The following NRXN1 variants were observed in gnomAD, a reference collection of about 807,000 sequenced individuals.
The protein encoded by NRXN1 is neurexin 1.
NRXN1 carries 39 observed loss-of-function variants against 150.9 expected under a neutral mutation model. The ratio of observed to expected loss-of-function variants is 0.26; its 90% CI spans 0.20 to 0.34. The LOEUF (loss-of-function observed/expected upper bound fraction) is 0.34. NRXN1 is among the 10% of genes least tolerant of loss of function. The pLI, the probability that NRXN1 is intolerant of heterozygous loss-of-function variation, is 1.00. For missense variants in NRXN1, 1,815 were observed against 1,949.9 expected (o/e 0.93, Z 1.30); for synonymous variants, 924 against 757.0 (o/e 1.22, Z -3.62).
chr2:50,442,741 G>T (rs2086072741), intron 17 of NRXN1, among the ~76,000 whole-genome samples: 1 of 152,114 alleles, frequency 6.6e-6, no homozygotes, highest in Non-Finnish European at 1.5e-5. Context: ...ATTAAGTGAG[G>T]AGACTTCTGG....
chr2:51,000,764 T>C (rs139662480), intron 2 of NRXN1, among the ~76,000 whole-genome samples: 2 of 152,064 alleles, frequency 1.3e-5, no homozygotes, highest in East Asian at 3.9e-4. Context: ...CTTAATTCCG[T>C]AAATTAATAT....
At chr2:50,502,820 T>A (rs2092018296) in intron 13 of NRXN1, among the ~76,000 whole-genome samples, 1 of 152,148 alleles carries the variant, frequency 6.6e-6, no homozygotes, top group Non-Finnish European at 1.5e-5. Flanking sequence ...GGTGTAGGTA[T>A]ATATACTTGA....
At chr2:50,905,942 T>C (rs9678064) in intron 5 of NRXN1, among the ~76,000 whole-genome samples, 13,021 of 152,108 alleles carry the variant, frequency 0.086, 624 homozygotes, top group South Asian at 0.12. Flanking sequence ...AGACAGTCTA[T>C]TAAATGTTTA....
chr2:50,815,255 C>T lies in NRXN1; in HGVS notation c.832+106614G>A, dbSNP rs186363612. 1.3e-3 allele frequency among the ~76,000 whole-genome samples: 192 copies of T among 152,238 alleles called. 1 individual carries two copies. Among genetic ancestry groups the T allele is most frequent in the African/African-American group, 4.5e-3 (187 of 41,554 alleles). ...ACAAGACAGACACCGATCTCCAGTG[C>T]AGAGGTGCATTGGACAATGTGACAA... On this transcript the variant is annotated intron_variant, in intron 5 of 22. Coordinates refer to ENST00000401669, the MANE Select transcript of NRXN1 (RefSeq NM_001330078.2).
At chr2:50,831,634 G>C (rs1055092398) in intron 5 of NRXN1, among the ~76,000 whole-genome samples, 1 of 152,166 alleles carries the variant, frequency 6.6e-6, no homozygotes, top group African/African-American at 2.4e-5. Context: ...TTAGAATACA[G>C]TTTGAAAACA....
At chr2:50,212,236 A>T (rs1488891244) in intron 18 of NRXN1, among the ~76,000 whole-genome samples, 4 of 151,414 alleles carry the variant, frequency 2.6e-5, no homozygotes, top group Non-Finnish European at 5.9e-5. Flanking sequence ...AGAAACTCTC[A>T]GAAGTAGAAA....
intron 17 of NRXN1, among the ~76,000 whole-genome samples, chr2:50,243,092 G>C (rs2066171326): frequency 6.6e-6 from 1 of 151,766 alleles, no homozygotes. Context: ...ATGAGTTCTG[G>C]TGTTCTGTTG....
At chr2:50,202,388 C>A (rs1236925989) in intron 18 of NRXN1, among the ~76,000 whole-genome samples, 1 of 152,114 alleles carries the variant, frequency 6.6e-6, no homozygotes, top group African/African-American at 2.4e-5. Context: ...CACCTGTAGT[C>A]CCAGCTACTC....
chr2:50,116,683 A>G lies in NRXN1; in HGVS notation c.3547-25189T>C, dbSNP rs573515097. Among the ~76,000 whole-genome samples, 4 of 152,222 alleles carry G rather than the reference A, an allele frequency of 2.6e-5. No individual in the cohort carries two copies. In the East Asian group the frequency reaches 5.8e-4, roughly 22 times the overall value. ...CCCCACATCTCTTCTTCTGAGGAAT[A>G]GGCAAAATCTTCCTTCCCCAACACA... is the stretch of plus-strand genomic sequence containing the variant. On this transcript the variant is annotated intron_variant, in intron 18 of 22. Transcript: ENST00000401669.
At chr2:50,984,134 ATTTTTTTTTTTTTTTTT>A (rs70958636) in intron 2 of NRXN1, among the ~76,000 whole-genome samples, 1 of 72,794 alleles carries the variant, frequency 1.4e-5, no homozygotes, top group Non-Finnish European at 2.4e-5. Flanking sequence ...CGCCAGGCTA[ATTTTTTTTTTTTTTTTT>A]TTTTTTTTTT....
intron 2 of NRXN1, among the ~76,000 whole-genome samples, chr2:50,969,317 A>G (rs1694639058): frequency 1.3e-5 from 2 of 152,124 alleles, no homozygotes; most frequent in South Asian, 4.1e-4. Flanking sequence ...CCAGTCTAGA[A>G]CACTGCCTGG....
intron 17 of NRXN1, among the ~76,000 whole-genome samples, chr2:50,335,335 C>T (rs368532621): frequency 6.6e-6 from 1 of 152,076 alleles, no homozygotes; most frequent in Non-Finnish European, 1.5e-5. Context: ...ATCAAAATGG[C>T]CACAGTAAAG....
chr2:50,159,400 A>G (rs970034214), intron 18 of NRXN1, among the ~76,000 whole-genome samples: 1 of 152,094 alleles, frequency 6.6e-6, no homozygotes, highest in Non-Finnish European at 1.5e-5. Flanking sequence ...TTACTGTTCT[A>G]TCATTGGAAG....
chr2:50,751,733 T>C (rs755955870), intron 5 of NRXN1, among the ~76,000 whole-genome samples: 14 of 151,934 alleles, frequency 9.2e-5, no homozygotes, highest in African/African-American at 3.4e-4. Flanking sequence ...TACTTACCCA[T>C]GGCCAGGAAG....
chr2:50,926,385 T>G (rs950918346), intron 2 of NRXN1, among the ~76,000 whole-genome samples: 26 of 151,966 alleles, frequency 1.7e-4, no homozygotes, highest in African/African-American at 6.3e-4. Context: ...AGCTATGAAA[T>G]TTCACTTAAA....
At position 50,916,456 on chromosome 2, in the gene NRXN1, C is replaced by G. The variant is rs186420497; in HGVS notation, c.832+5413G>C. On this transcript the variant is annotated intron_variant, in intron 5 of 22. Coordinates refer to ENST00000401669, the MANE Select transcript of NRXN1 (RefSeq NM_001330078.2). ...ATTTAGGAAATAGCCTCCTATCAAG[C>G]CTAAAAGTGTTGATGGTTGTTAAAA... 6.5e-4 allele frequency among the ~76,000 whole-genome samples: 98 copies of G among 149,770 alleles called. 1 individual carries two copies. The highest frequency in any genetic ancestry group is 2.3e-3 in the African/African-American group (92 of 40,756).
At chr2:49,958,699 C>T (rs982057248) in intron 21 of NRXN1, among the ~76,000 whole-genome samples, 10 of 152,204 alleles carry the variant, frequency 6.6e-5, no homozygotes, top group Non-Finnish European at 1.0e-4. Flanking sequence ...TTTATGAGCA[C>T]GAGGGCTGGA....
intron 17 of NRXN1, among the ~76,000 whole-genome samples, chr2:50,409,607 T>A (rs1355063916): frequency 6.6e-6 from 1 of 152,200 alleles, no homozygotes; most frequent in Non-Finnish European, 1.5e-5. Flanking sequence ...ATAATTATAC[T>A]CAAGATGAGG....
At chr2:50,412,920 G>A (rs1644910238) in intron 17 of NRXN1, among the ~76,000 whole-genome samples, 1 of 152,160 alleles carries the variant, frequency 6.6e-6, no homozygotes, top group South Asian at 2.1e-4. Flanking sequence ...TTCTCCATAT[G>A]TGAAAATCAA....
Sources: gnomAD v4.1 joint callset for allele counts (sites outside exome capture counted in the v4.1 genomes callset) on GRCh38, gnomAD v4.1.1 for gene constraint, MANE v1.5 for transcripts, NCBI Gene and HGNC (gene_info 2026-07-23, HGNC 2026-07-21) for gene names.